Variants in ABTB3 observed in about 807,000 individuals in gnomAD.
ABTB3 encodes the protein ankyrin repeat and BTB domain containing 3.
chr12:107,326,245 C>T, the ABTB3 span, among the ~76,000 whole-genome samples: 2 of 152,196 alleles, frequency 1.3e-5, no homozygotes, highest in Non-Finnish European at 2.9e-5. Flanking sequence ...ATCTCAGTAG[C>T]TTAACACAAT....
the ABTB3 span, among the ~76,000 whole-genome samples, chr12:107,521,578 C>G: frequency 6.6e-6 from 1 of 152,052 alleles, no homozygotes; most frequent in Non-Finnish European, 1.5e-5. Flanking sequence ...TATCAGATCA[C>G]ATCTCTCCTC....
At chr12:107,419,053 T>C in the ABTB3 span, among the ~76,000 whole-genome samples, 1 of 152,222 alleles carries the variant, frequency 6.6e-6, no homozygotes, top group Non-Finnish European at 1.5e-5. Context: ...TTGAGAATGC[T>C]TGCTCTTGGA....
chr12:107,367,443 A>G, the ABTB3 span, among the ~76,000 whole-genome samples: 2 of 152,128 alleles, frequency 1.3e-5, no homozygotes, highest in Non-Finnish European at 2.9e-5. Context: ...AAGTTCACGG[A>G]AATTTTATCA....
At chr12:107,620,387 A>T in the ABTB3 span, among the ~76,000 whole-genome samples, 11 of 152,338 alleles carry the variant, frequency 7.2e-5, no homozygotes, top group East Asian at 1.7e-3. Flanking sequence ...GGGCACATGG[A>T]CTGCTTAGAT....
the ABTB3 span, among the ~76,000 whole-genome samples, chr12:107,595,233 G>A: frequency 6.6e-6 from 1 of 152,186 alleles, no homozygotes; most frequent in Non-Finnish European, 1.5e-5. Context: ...GTAAGGCGTT[G>A]GGCTGTGCAA....
chr12:107,358,770 T>A, the ABTB3 span, among the ~76,000 whole-genome samples: 2 of 152,204 alleles, frequency 1.3e-5, no homozygotes, highest in African/African-American at 2.4e-5. Flanking sequence ...AAGTTTTGTA[T>A]TTTTAGTAGA....
the ABTB3 span, among the ~76,000 whole-genome samples, chr12:107,413,116 T>C: frequency 6.6e-6 from 1 of 151,370 alleles, no homozygotes; most frequent in Admixed American, 6.6e-5. Context: ...CTACTAAAAA[T>C]ACAAAAAATT....
At chr12:107,550,092 C>A in the ABTB3 span, among the ~76,000 whole-genome samples, 1 of 152,110 alleles carries the variant, frequency 6.6e-6, no homozygotes, top group African/African-American at 2.4e-5. Context: ...TATGATAGTC[C>A]CATGAATCTA....
chr12:107,608,969 AT>A, the ABTB3 span, among the ~76,000 whole-genome samples: 1 of 24,684 alleles, frequency 4.1e-5, no homozygotes, highest in African/African-American at 2.1e-4. Flanking sequence ...AAAATAAAAT[AT>A]AAAATAAAAT....
At chr12:107,421,290 G>T in the ABTB3 span, among the ~76,000 whole-genome samples, 4 of 152,178 alleles carry the variant, frequency 2.6e-5, no homozygotes, top group Non-Finnish European at 5.9e-5. Context: ...TAAAGAAAAA[G>T]GAGAGATCTG....
the ABTB3 span, among the ~76,000 whole-genome samples, chr12:107,591,679 G>C: frequency 6.6e-6 from 1 of 152,158 alleles, no homozygotes; most frequent in African/African-American, 2.4e-5. Flanking sequence ...GGCATGTCAT[G>C]GGCAAAGGAA....
At chr12:107,426,275 G>A in the ABTB3 span, among the ~76,000 whole-genome samples, 8 of 152,208 alleles carry the variant, frequency 5.3e-5, no homozygotes, top group African/African-American at 1.4e-4. Context: ...AGATCGATGC[G>A]GACAAGGAGG....
chr12:107,469,361 G>A, the ABTB3 span, among the ~76,000 whole-genome samples: 1 of 152,236 alleles, frequency 6.6e-6, no homozygotes, highest in African/African-American at 2.4e-5. Context: ...AGGTAGCCCA[G>A]GGTTCAAATC....
chr12:107,455,491 G>A, the ABTB3 span, among the ~76,000 whole-genome samples: 1 of 151,720 alleles, frequency 6.6e-6, no homozygotes, highest in East Asian at 1.9e-4. Context: ...TGAAGGTTGT[G>A]AGCAGTGTCT....
the ABTB3 span, among the ~76,000 whole-genome samples, chr12:107,620,689 A>G: frequency 6.6e-6 from 1 of 152,164 alleles, no homozygotes; most frequent in Non-Finnish European, 1.5e-5. Flanking sequence ...CCCTGGGAGA[A>G]GGCTTTTCCG....
At chr12:107,497,649 T>G in the ABTB3 span, among the ~76,000 whole-genome samples, 1 of 152,160 alleles carries the variant, frequency 6.6e-6, no homozygotes, top group African/African-American at 2.4e-5. Flanking sequence ...TCAGTAATAT[T>G]CTGTTGGATG....
chr12:107,608,946 T>A, the ABTB3 span, among the ~76,000 whole-genome samples: 24 of 74,386 alleles, frequency 3.2e-4, no homozygotes, highest in African/African-American at 9.8e-4. Context: ...ATAAAATAAA[T>A]AAAATAAAAT....
chr12:107,653,713 G>A, the ABTB3 span, among the ~76,000 whole-genome samples: 1 of 152,140 alleles, frequency 6.6e-6, no homozygotes, highest in African/African-American at 2.4e-5. Flanking sequence ...TAAGGAGACC[G>A]AAGCACAGAG....
the ABTB3 span, among the ~76,000 whole-genome samples, chr12:107,462,621 A>G: frequency 6.6e-6 from 1 of 151,710 alleles, no homozygotes; most frequent in South Asian, 2.1e-4. Flanking sequence ...GATGATGGTG[A>G]TGATGATGGT....
Sources: gnomAD v4.1 joint callset for allele counts (sites outside exome capture counted in the v4.1 genomes callset) on GRCh38, gnomAD v4.1.1 for gene constraint, MANE v1.5 for transcripts, NCBI Gene and HGNC (gene_info 2026-07-23, HGNC 2026-07-21) for gene names.